MBD5: variants seen among roughly 807,000 people sequenced by gnomAD.
The protein encoded by MBD5 is methyl-CpG binding domain protein 5.
In MBD5, 13 loss-of-function variants were observed where a neutral mutation model predicts 117.3. The ratio of observed to expected loss-of-function variants is 0.11; its 90% CI spans 0.07 to 0.18. MBD5 has a LOEUF of 0.18. Among genes scored for constraint, MBD5 ranks in the 10% least tolerant of loss-of-function variants. The probability of loss-of-function intolerance (pLI) is 1.00; values close to 1 mark genes in which losing one functional copy is unlikely to be tolerated. For synonymous variants in MBD5, 727 were observed against 766.4 expected (o/e 0.95, Z 0.85); for missense variants, 1,879 against 2,093.8 (o/e 0.90, Z 2.00).
chr2:148,173,579 A>G (rs1698315441), intron 1 of MBD5, among the ~76,000 whole-genome samples: 1 of 152,168 alleles, frequency 6.6e-6, no homozygotes, highest in Non-Finnish European at 1.5e-5. Flanking sequence ...GCCACTAGCC[A>G]CAGAGGTTTC....
chr2:148,468,336 A>T lies in MBD5; in HGVS notation c.398-5A>T. On this transcript the variant is annotated splice_region_variant and splice_polypyrimidine_tract_variant and intron_variant, in intron 7 of 13. Transcript: ENST00000642680. ...ACAGAATTCTTTTTTTCTCTTTCAC[A>T]TCAGATGCAACTCCAGTAGTACCTT... 1 of 1,612,732 alleles carries T rather than the reference A, an allele frequency of 6.2e-7. No individual in the cohort carries two copies. The highest frequency in any genetic ancestry group is 2.2e-5 in the East Asian group (1 of 44,804).
intron 1 of MBD5, among the ~76,000 whole-genome samples, chr2:148,072,572 G>A (rs954800293): frequency 2.6e-5 from 4 of 151,970 alleles, no homozygotes; most frequent in East Asian, 3.9e-4. Context: ...TTGATTCAGC[G>A]GTAAATTGAA....
intron 1 of MBD5, among the ~76,000 whole-genome samples, chr2:148,117,338 T>A (rs1026316394): frequency 1.3e-5 from 2 of 149,608 alleles, no homozygotes; most frequent in Non-Finnish European, 3.0e-5. Context: ...AAAAAAAAAA[T>A]GGAGTTTCCT....
At chr2:148,390,637 A>T (rs1704545530) in intron 4 of MBD5, among the ~76,000 whole-genome samples, 1 of 151,452 alleles carries the variant, frequency 6.6e-6, no homozygotes, top group Non-Finnish European at 1.5e-5. Context: ...GTATAATGGC[A>T]TGATCTCAGC....
chr2:148,087,387 G>A (rs1289767402), intron 1 of MBD5, among the ~76,000 whole-genome samples: 1 of 152,204 alleles, frequency 6.6e-6, no homozygotes, highest in Non-Finnish European at 1.5e-5. Context: ...TTGTCCATGT[G>A]ACTGTCACTG....
intron 3 of MBD5, among the ~76,000 whole-genome samples, chr2:148,296,864 A>ACTTTTTTTTTTTTTTTTTTTT (rs1701665621): frequency 1.6e-5 from 1 of 61,310 alleles, no homozygotes. Context: ...TAGTTCTTCA[A>ACTTTTTTTTTTTTTTTTTTTT]TTTTTTTTTT....
chr2:148,152,786 T>G (rs1230709944), intron 1 of MBD5, among the ~76,000 whole-genome samples: 3 of 151,704 alleles, frequency 2.0e-5, no homozygotes, highest in African/African-American at 7.2e-5. Flanking sequence ...GTTTTCCATT[T>G]GCTTGGTAGA....
intron 4 of MBD5, among the ~76,000 whole-genome samples, chr2:148,378,904 G>T (rs997402616): frequency 6.6e-6 from 1 of 151,928 alleles, no homozygotes; most frequent in African/African-American, 2.4e-5. Flanking sequence ...CTTTCTATTT[G>T]TATATTTAGA....
intron 4 of MBD5, among the ~76,000 whole-genome samples, chr2:148,405,496 A>T (rs1268287328): frequency 6.6e-6 from 1 of 152,098 alleles, no homozygotes; most frequent in Non-Finnish European, 1.5e-5. Context: ...CAACTGCAGA[A>T]GCCAAAAGTC....
intron 1 of MBD5, among the ~76,000 whole-genome samples, chr2:148,151,158 T>C (rs1697650394): frequency 6.6e-6 from 1 of 151,514 alleles, no homozygotes; most frequent in Non-Finnish European, 1.5e-5. Flanking sequence ...TGAAGGGTTG[T>C]TGAATTTTGT....
intron 1 of MBD5, among the ~76,000 whole-genome samples, chr2:148,035,536 G>A (rs1694171875): frequency 6.6e-6 from 1 of 152,142 alleles, no homozygotes; most frequent in African/African-American, 2.4e-5. Flanking sequence ...AACTCAGATG[G>A]TGGAGAAATT....
intron 1 of MBD5, among the ~76,000 whole-genome samples, chr2:148,132,940 T>C (rs1364606478): frequency 6.6e-6 from 1 of 152,186 alleles, no homozygotes; most frequent in African/African-American, 2.4e-5. Flanking sequence ...CATTAAACAG[T>C]GAAACCTTAT....
chr2:148,072,373 T>A (rs1695382074), intron 1 of MBD5, among the ~76,000 whole-genome samples: 1 of 152,180 alleles, frequency 6.6e-6, no homozygotes, highest in African/African-American at 2.4e-5. Context: ...TGGGCCGAAA[T>A]GTAGACTTTA....
At chr2:148,440,088 C>A (rs762501584) in intron 4 of MBD5, among the ~76,000 whole-genome samples, 1 of 152,102 alleles carries the variant, frequency 6.6e-6, no homozygotes, top group Admixed American at 6.5e-5. Context: ...TTTGATCTTA[C>A]GAATTTTTAC....
intron 3 of MBD5, among the ~76,000 whole-genome samples, chr2:148,276,927 T>C (rs570896727): frequency 6.6e-6 from 1 of 152,280 alleles, no homozygotes; most frequent in Admixed American, 6.5e-5. Flanking sequence ...TGGTTCTTAT[T>C]TGAAAAAATT....
intron 8 of MBD5, among the ~76,000 whole-genome samples, chr2:148,478,600 A>G (rs1681046532): frequency 6.6e-6 from 1 of 152,160 alleles, no homozygotes; most frequent in African/African-American, 2.4e-5. Context: ...GCAAGCTACC[A>G]CTGTCATTTC....
In MBD5 at chr2:148,516,907, A is replaced by G. The variant is rs1682353890; in HGVS notation, c.*3966A>G. On this transcript the variant is annotated 3_prime_UTR_variant, in exon 14 of 14. Transcript: ENST00000642680. ...TTGATGCCAGATGGCTTCATAATAT[A>G]CAAATGTGTTTTGTAACATCATGCC... The G allele has an allele frequency of 6.6e-6, 1 of 152,246 alleles. No homozygotes were observed. The highest frequency in any genetic ancestry group is 2.4e-5 in the African/African-American group (1 of 41,472). The allele number at this position is 152,246 out of a possible 1,614,324, so 9.4% of individuals were successfully genotyped here.
intron 4 of MBD5, among the ~76,000 whole-genome samples, chr2:148,351,135 A>T (rs537522254): frequency 6.6e-6 from 1 of 152,082 alleles, no homozygotes; most frequent in Non-Finnish European, 1.5e-5. Context: ...TAATCCAAGG[A>T]CTTTTTTTCA....
chr2:148,402,386 T>A (rs2105098207), intron 4 of MBD5, among the ~76,000 whole-genome samples: 1 of 152,274 alleles, frequency 6.6e-6, no homozygotes, highest in African/African-American at 2.4e-5. Context: ...CCTCTTGAGA[T>A]ATAATTGACA....
Sources: allele counts gnomAD v4.1 joint callset (sites outside exome capture counted in the v4.1 genomes callset), GRCh38; gene constraint gnomAD v4.1.1; transcripts MANE v1.5; gene names NCBI Gene and HGNC (gene_info 2026-07-23, HGNC 2026-07-21).